The following KCNS3 variants were observed in gnomAD, a reference collection of about 807,000 sequenced individuals.
KCNS3 encodes the protein delayed-rectifier potassium channel regulatory subunit KCNS3.
Under a neutral mutation model 31.0 loss-of-function variants are expected in KCNS3, and 13 were observed. The observed-to-expected ratio is 0.42, with a 90% CI of 0.27 to 0.67. KCNS3 has a LOEUF of 0.67. Among genes scored for constraint, KCNS3 ranks in the 30% least tolerant of loss-of-function variants. KCNS3 has a pLI of 0.25. For synonymous variants in KCNS3, 238 were observed against 241.5 expected, an observed-to-expected ratio of 0.99 and a Z score of 0.13; for missense variants, 545 against 622.4, an observed-to-expected ratio of 0.88 and a Z score of 1.32.
In KCNS3 at chr2:17,932,100, C is replaced by T. The variant is rs779601764; in HGVS notation, c.1092C>T (p.Ala364=). 1 of 1,614,072 alleles carries T rather than the reference C, an allele frequency of 6.2e-7. No homozygotes were observed. The highest frequency in any genetic ancestry group is 8.5e-7 in the Non-Finnish European group (1 of 1,180,004). The change falls in exon 3 of 3, where the codon GCC becomes GCT. Residue 364 remains alanine (A), a synonymous_variant. Coordinates refer to ENST00000304101, the MANE Select transcript of KCNS3 (RefSeq NM_002252.5). ...GCATCCCCATCTGCTGGTGGTGGGC[C>T]ACCATCAGCATGACAACTGTGGGCT... The part of the protein sequence containing the change: ...LTSIPICWWW[A]TISMTTVGYG...
chr2:17,896,866 T>C (rs1420927157), intron 1 of KCNS3, among the ~76,000 whole-genome samples: 1 of 152,170 alleles, frequency 6.6e-6, no homozygotes, highest in East Asian at 1.9e-4. Flanking sequence ...CTATAAATTA[T>C]TCCTATAGTT....
At chr2:17,881,082 A>G (rs992696630) in intron 1 of KCNS3, among the ~76,000 whole-genome samples, 1 of 152,222 alleles carries the variant, frequency 6.6e-6, no homozygotes, top group Admixed American at 6.5e-5. Flanking sequence ...TTTAATTCCC[A>G]TAACAACTGC....
At chr2:17,887,068 T>C (rs1661680983) in intron 1 of KCNS3, among the ~76,000 whole-genome samples, 1 of 143,762 alleles carries the variant, frequency 7.0e-6, no homozygotes, top group African/African-American at 2.8e-5. Context: ...CACACGTTGC[T>C]TTCTCATGTA....
At chr2:17,888,629 G>GTATATCTATATATATATATC (rs35102585) in intron 1 of KCNS3, among the ~76,000 whole-genome samples, 1 of 92,408 alleles carries the variant, frequency 1.1e-5, no homozygotes, top group Non-Finnish European at 2.0e-5. Flanking sequence ...TAAAAAAAAT[G>GTATATCTATATATATATATC]TATATATATA....
chr2:17,882,361 T>C (rs1375426409), intron 1 of KCNS3, among the ~76,000 whole-genome samples: 1 of 152,204 alleles, frequency 6.6e-6, no homozygotes, highest in Non-Finnish European at 1.5e-5. Flanking sequence ...TTATAAGCTA[T>C]AGGTGGGACA....
Position 17,931,054 on chromosome 2 carries a change from C to T in KCNS3, c.46C>T (p.Leu16Phe), listed in dbSNP as rs1254536857. Reference sequence around the variant, plus strand: ...CCATCGCCCTGGACAAGACGAGGAACTTGTCAACCTGAATGTGGGGGGCTT... The same window carrying T: ...CCATCGCCCTGGACAAGACGAGGAATTTGTCAACCTGAATGTGGGGGGCTT... Reference protein sequence around the residue: ...FFHRPGQDEELVNLNVGGFKQ... With the variant: ...FFHRPGQDEEFVNLNVGGFKQ... Residue 16 changes from leucine to phenylalanine, a missense_variant, in exon 3 of 3, where the codon CTT becomes TTT. By Grantham distance (22) the Leu-to-Phe change is conservative. Transcript: ENST00000304101. The surrounding 1 kb of genome is among the most constrained non-coding windows in gnomAD (Gnocchi z 5.4). 1.2e-6 allele frequency: 2 copies of T among 1,614,102 alleles called. No homozygotes were observed. Among genetic ancestry groups the T allele is most frequent in the South Asian group, 2.2e-5 (2 of 91,080 alleles).
At chr2:17,887,093 AT>A (rs760006440) in intron 1 of KCNS3, among the ~76,000 whole-genome samples, 9 of 143,576 alleles carry the variant, frequency 6.3e-5, no homozygotes, top group Admixed American at 4.7e-4. Context: ...TTATTTTATT[AT>A]TTTTTCTCTT....
At chr2:17,905,807 A>C (rs533941632) in intron 1 of KCNS3, among the ~76,000 whole-genome samples, 1 of 152,312 alleles carries the variant, frequency 6.6e-6, no homozygotes, top group South Asian at 2.1e-4. Context: ...CCCAGGGATG[A>C]AGCCCACTTG....
rs1270456845 is a variant in KCNS3, at chr2:17,888,633, A to G, written c.-252+9827A>G. ...TTAAAGTATAATAAAAAAAATGTAT[A>G]TATATATATATATATATATATATAT... On this transcript the variant is annotated intron_variant, in intron 1 of 2. Coordinates refer to ENST00000304101, the MANE Select transcript of KCNS3 (RefSeq NM_002252.5). Among the ~76,000 whole-genome samples the G allele has an allele frequency of 4.1e-3, 205 of 50,462 alleles. 1 individual carries two copies. Among genetic ancestry groups the G allele is most frequent in the African/African-American group, 9.7e-3 (132 of 13,602 alleles). 33.1% of individuals were successfully genotyped at this position (50,462 alleles called of 152,430 possible). A position where few individuals can be genotyped will look rare whatever the true frequency, so the allele number is the denominator to read the frequency against.
rs944814176 is a variant in KCNS3, at chr2:17,916,260, G to C, written c.-251-1420G>C. ...TGTGTGTGCTATATCCTTTTACCAA[G>C]GTGCAGCAGCAGTTCTGTGTTTCAT... On this transcript the variant is annotated intron_variant, in intron 1 of 2. Coordinates refer to ENST00000304101, the MANE Select transcript of KCNS3 (RefSeq NM_002252.5). Among the ~76,000 whole-genome samples the C allele has an allele frequency of 2.6e-5, 4 of 152,150 alleles. No individual in the cohort carries two copies. The East Asian group carries it at 7.7e-4, about 29-fold the overall frequency.
chr2:17,916,043 T>C (rs943604216), intron 1 of KCNS3, among the ~76,000 whole-genome samples: 1 of 152,204 alleles, frequency 6.6e-6, no homozygotes, highest in East Asian at 1.9e-4. Flanking sequence ...GACCTTTCTG[T>C]GGTAAGCCAG....
chr2:17,926,159 T>G (rs1662832934), intron 2 of KCNS3, among the ~76,000 whole-genome samples: 1 of 152,212 alleles, frequency 6.6e-6, no homozygotes, highest in African/African-American at 2.4e-5. Context: ...CTCCTTTTAC[T>G]CCATGCCTCA....
Position 17,931,669 on chromosome 2 carries a change from G to T in KCNS3, c.661G>T (p.Val221Leu). The T allele has an allele frequency of 6.2e-7, 1 of 1,614,190 alleles. No homozygotes were observed. Among genetic ancestry groups the T allele is most frequent in the South Asian group, 1.1e-5 (1 of 91,078 alleles). The change falls in exon 3 of 3, where the codon GTG (valine) becomes TTG (leucine). Residue 221 changes from valine to leucine, a missense_variant. By Grantham distance (32) the Val-to-Leu change is conservative (BLOSUM62 1). Transcript: ENST00000304101. This position sits in a 1 kb window ranked among gnomAD's most constrained non-coding sequence, Gnocchi z 5.4. Reference protein sequence around the residue: ...QNEDGEVDDPVLEGVEIACIA... With the variant: ...QNEDGEVDDPLLEGVEIACIA... ...TGAGGATGGAGAAGTGGATGATCCG[G>T]TGCTGGAAGGAGTGGAGATCGCGTG...
At chr2:17,890,136 C>T (rs1370755689) in intron 1 of KCNS3, among the ~76,000 whole-genome samples, 1 of 152,070 alleles carries the variant, frequency 6.6e-6, no homozygotes, top group Non-Finnish European at 1.5e-5. Context: ...GCTAATTCTT[C>T]CTGATTTAAG....
chr2:17,885,224 T>G (rs1264065015), intron 1 of KCNS3, among the ~76,000 whole-genome samples: 3 of 152,174 alleles, frequency 2.0e-5, no homozygotes, highest in Non-Finnish European at 4.4e-5. Flanking sequence ...GTAGATGGGA[T>G]AAGGACTGAT....
At chr2:17,916,602 G>C (rs1228811371) in intron 1 of KCNS3, among the ~76,000 whole-genome samples, 1 of 152,190 alleles carries the variant, frequency 6.6e-6, no homozygotes, top group African/African-American at 2.4e-5. Context: ...TTGCTCTGCT[G>C]TTGCTGGGAC....
intron 1 of KCNS3, among the ~76,000 whole-genome samples, chr2:17,899,195 C>T (rs1425288420): frequency 6.6e-6 from 1 of 152,098 alleles, no homozygotes; most frequent in Non-Finnish European, 1.5e-5. Context: ...CACTGCACTC[C>T]AGCCTGGCGA....
At chr2:17,881,718 C>T (rs1293014968) in intron 1 of KCNS3, among the ~76,000 whole-genome samples, 1 of 152,180 alleles carries the variant, frequency 6.6e-6, no homozygotes, top group Admixed American at 6.5e-5. Context: ...CAGTTTTCCT[C>T]ATTTATTCCT....
chr2:17,932,216 C>T lies in KCNS3; in HGVS notation c.1208C>T (p.Thr403Ile). ...CGILVVALPI[T>I]IIFNKFSKYY... ...ATCTTGGTGGTGGCCCTTCCCATCACCATCATCTTCAACAAGTTTTCCAAG... is the reference window on the plus strand; with the variant it reads ...ATCTTGGTGGTGGCCCTTCCCATCATCATCATCTTCAACAAGTTTTCCAAG... The change falls in exon 3 of 3, where the codon ACC becomes ATC. Residue 403 changes from threonine to isoleucine, a missense_variant. Coordinates refer to ENST00000304101, the MANE Select transcript of KCNS3 (RefSeq NM_002252.5). The T allele has an allele frequency of 6.2e-7, 1 of 1,613,620 alleles. No homozygotes were observed. Among genetic ancestry groups the T allele is most frequent in the Non-Finnish European group, 8.5e-7 (1 of 1,179,868 alleles).
Sources: gnomAD v4.1 joint callset for allele counts (sites outside exome capture counted in the v4.1 genomes callset) on GRCh38, gnomAD v4.1.1 for gene constraint, Gnocchi (gnomAD v3.1) non-coding constraint, MANE v1.5 for transcripts, NCBI Gene and HGNC (gene_info 2026-07-23, HGNC 2026-07-21) for gene names.